Variants in NIPBL observed in about 807,000 individuals in gnomAD.
NIPBL encodes NIPBL cohesin loading factor.
A neutral mutation model predicts 321.8 loss-of-function variants in NIPBL; 19 were observed. The observed-to-expected ratio is 0.06, with a 90% CI of 0.04 to 0.09. NIPBL has a LOEUF of 0.09. NIPBL is among the 10% of genes least tolerant of loss of function. The probability of loss-of-function intolerance (pLI) is 1.00; values close to 1 mark genes in which losing one functional copy is unlikely to be tolerated. For missense variants in NIPBL, 2,210 were observed against 3,327.0 expected, an observed-to-expected ratio of 0.66 and a Z score of 8.26; for synonymous variants, 1,106 against 1,114.1, an observed-to-expected ratio of 0.99 and a Z score of 0.14.
chr5:36,984,252 A>T (rs1744485913), intron 9 of NIPBL, among the ~76,000 whole-genome samples: 1 of 151,680 alleles, frequency 6.6e-6, no homozygotes. Flanking sequence ...GGAGCTCTTT[A>T]TGGTTTTTGG....
intron 9 of NIPBL, among the ~76,000 whole-genome samples, chr5:36,983,810 G>T (rs1418289552): frequency 1.3e-5 from 2 of 151,950 alleles, no homozygotes; most frequent in Admixed American, 6.6e-5. Context: ...ATTTGTGTTT[G>T]TGTGTGTGTT....
At chr5:37,062,337 A>G (rs1298310207) in intron 45 of NIPBL, among the ~76,000 whole-genome samples, 1 of 152,132 alleles carries the variant, frequency 6.6e-6, no homozygotes, top group African/African-American at 2.4e-5. Context: ...TTTTCTGATA[A>G]CCAATATTAT....
chr5:37,001,233 C>CT (rs1746761605), intron 14 of NIPBL, among the ~76,000 whole-genome samples, 155 bp downstream of exon 14: 1 of 152,074 alleles, frequency 6.6e-6, no homozygotes, highest in Non-Finnish European at 1.5e-5. Flanking sequence ...ACTTTCTAGT[C>CT]TGTTATTTGA....
Position 37,000,997 on chromosome 5 carries a change from G to T in NIPBL, c.3583G>T (p.Asp1195Tyr), listed in dbSNP as rs149134659. 1 of 1,610,578 alleles carries T rather than the reference G, an allele frequency of 6.2e-7. No individual in the cohort carries two copies. Residue 1195 changes from aspartate to tyrosine, a missense_variant, in exon 14 of 47, where the codon GAC becomes TAC. By Grantham distance (160) the Asp-to-Tyr change is radical. Around this residue, in one of 14 missense-constraint regions of NIPBL, gnomAD observed 381 missense variants for 642.3 expected, o/e 0.59. Coordinates refer to ENST00000282516, the MANE Select transcript of NIPBL (RefSeq NM_133433.4). ...ATTTTTCTCTCTTGCAGAAATGATG[G>T]ACTCTTCAACTTTTAAGAGATTCAC... is the stretch of plus-strand genomic sequence containing the variant. ...EPKLTPEEMM[D>Y]SSTFKRFTAS...
At chr5:36,928,016 T>G (rs545066028) in intron 1 of NIPBL, among the ~76,000 whole-genome samples, 55 of 152,198 alleles carry the variant, frequency 3.6e-4, no homozygotes, top group African/African-American at 1.3e-3. Flanking sequence ...TTCTACCACT[T>G]TCTTTCAATA....
chr5:37,065,144 GA>G lies in NIPBL; in HGVS notation c.*260del, dbSNP rs937120136. ...TTTAACAAAAATTGTTTATATCTTG[GA>G]AAAAAAACTTTCTGTTTAAAAAAAA... On this transcript the variant is annotated 3_prime_UTR_variant, in exon 47 of 47. Transcript: ENST00000282516. 2.1e-5 allele frequency: 10 copies of G among 484,804 alleles called. No individual in the cohort carries two copies. Among genetic ancestry groups the G allele is most frequent in the Admixed American group, 7.3e-5 (2 of 27,366 alleles). The allele number at this position is 484,804 out of a possible 1,614,324, so 30.0% of individuals were successfully genotyped here. A position where few individuals can be genotyped will look rare whatever the true frequency, so the allele number is the denominator to read the frequency against.
intron 32 of NIPBL, among the ~76,000 whole-genome samples, chr5:37,032,031 C>T (rs1479599280): frequency 6.6e-6 from 1 of 152,116 alleles, no homozygotes; most frequent in Non-Finnish European, 1.5e-5. Context: ...CCAGCATTAC[C>T]TGGAGTTTTA....
In NIPBL at chr5:37,005,865, A is replaced by G. The variant is rs185516516; in HGVS notation, c.3856-492A>G. On this transcript the variant is annotated intron_variant, in intron 16 of 46. Coordinates refer to ENST00000282516, the MANE Select transcript of NIPBL (RefSeq NM_133433.4). ...TTAGTCTGCATATTACTACTTTTTA[A>G]TCTCAGTTTCAGAAACTGTGTTGTC... Among the ~76,000 whole-genome samples, 876 of 152,254 alleles carry G rather than the reference A, an allele frequency of 5.8e-3. 5 individuals are homozygous for G. The highest frequency in any genetic ancestry group is 0.02 in the Middle Eastern group (6 of 294).
At chr5:36,880,525 A>T (rs1745424082) in intron 1 of NIPBL, among the ~76,000 whole-genome samples, 1 of 152,042 alleles carries the variant, frequency 6.6e-6, no homozygotes. Context: ...GAGAAATGTA[A>T]CTTTAATTCT....
intron 9 of NIPBL, among the ~76,000 whole-genome samples, chr5:36,979,699 T>G (rs1743919211): frequency 6.6e-6 from 1 of 151,726 alleles, no homozygotes; most frequent in East Asian, 1.9e-4. Context: ...AGTATGAGGT[T>G]CAGGAAATAA....
intron 1 of NIPBL, among the ~76,000 whole-genome samples, chr5:36,932,516 TC>T (rs1749851335): frequency 6.6e-6 from 1 of 152,132 alleles, no homozygotes; most frequent in African/African-American, 2.4e-5. Context: ...TTTTATTGTT[TC>T]TGTTTGTATG....
rs747292472 is a variant in NIPBL at position 37,064,770 on chromosome 5, A to G, written c.8293A>G (p.Thr2765Ala). 1.2e-6 allele frequency: 2 copies of G among 1,614,208 alleles called. No homozygotes were observed. The highest frequency in any genetic ancestry group is 1.1e-5 in the South Asian group (1 of 91,082). Residue 2765 changes from threonine to alanine, a missense_variant, in exon 47 of 47, where the codon ACT (threonine) becomes GCT (alanine). By Grantham distance (58) the Thr-to-Ala change is moderately conservative. Coordinates refer to ENST00000282516, the MANE Select transcript of NIPBL (RefSeq NM_133433.4). The part of the protein sequence containing the change: ...DGRKLVPWVD[T>A]IKESDIIYKK... ...CCGCAAACTGGTGCCTTGGGTAGAC[A>G]CTATTAAAGAGTCAGACATTATTTA...
At chr5:36,923,164 G>GAC (rs879319814) in intron 1 of NIPBL, among the ~76,000 whole-genome samples, 75 of 152,094 alleles carry the variant, frequency 4.9e-4, no homozygotes, top group Non-Finnish European at 9.7e-4. Flanking sequence ...AAATTAGCTG[G>GAC]GTGTGGTGGC....
At chr5:37,022,551 C>T (rs2149699434) in intron 29 of NIPBL, among the ~76,000 whole-genome samples, 161 bp downstream of exon 29, 1 of 152,250 alleles carries the variant, frequency 6.6e-6, no homozygotes, top group Non-Finnish European at 1.5e-5. Flanking sequence ...TACATATTTT[C>T]AAGAATAGCC....
chr5:37,006,010 CAT>C (rs1747384312), intron 16 of NIPBL, among the ~76,000 whole-genome samples: 1 of 152,100 alleles, frequency 6.6e-6, no homozygotes, highest in Non-Finnish European at 1.5e-5. Flanking sequence ...TTTAAACTAT[CAT>C]AATGTTTATA....
chr5:36,933,333 A>G lies in NIPBL; in HGVS notation c.-79-20285A>G, dbSNP rs1159204422. On this transcript the variant is annotated intron_variant, in intron 1 of 46. Coordinates refer to ENST00000282516, the MANE Select transcript of NIPBL (RefSeq NM_133433.4). Reference sequence around the variant, plus strand: ...TTCCAATTTGAACTCTTAATTTTAAATTTTCTTCTACCTTTAAAATTCTGT... The same window carrying G: ...TTCCAATTTGAACTCTTAATTTTAAGTTTTCTTCTACCTTTAAAATTCTGT... 2.6e-5 allele frequency among the ~76,000 whole-genome samples: 4 copies of G among 152,100 alleles called. No individual in the cohort carries two copies. The East Asian group carries it at 7.7e-4, about 29-fold the overall frequency.
chr5:36,885,955 C>A, intron 1 of NIPBL: 1 of 733,830 alleles, frequency 1.4e-6, no homozygotes. Flanking sequence ...TCATGGCAGA[C>A]ATACAGGCCC....
chr5:37,064,158 A>T, intron 46 of NIPBL, 180 bp downstream of exon 46: 1 of 1,424,764 alleles, frequency 7.0e-7, no homozygotes, highest in South Asian at 1.7e-5. Flanking sequence ...AAAGTTTAAC[A>T]TAAAAGACAA....
At chr5:36,946,705 A>G (rs550062336) in intron 1 of NIPBL, among the ~76,000 whole-genome samples, 17 of 152,198 alleles carry the variant, frequency 1.1e-4, no homozygotes, top group Non-Finnish European at 5.9e-5. Context: ...ATGAAATTTC[A>G]GTTTATTCAA....
Sources: allele counts gnomAD v4.1 joint callset (sites outside exome capture counted in the v4.1 genomes callset), GRCh38; gene constraint gnomAD v4.1.1; regional missense constraint gnomAD v4.1.1; transcripts MANE v1.5; gene names NCBI Gene and HGNC (gene_info 2026-07-23, HGNC 2026-07-21).